The following GDAP1L1 variants were observed in gnomAD, a reference collection of about 807,000 sequenced individuals.
The protein encoded by GDAP1L1 is ganglioside-induced differentiation-associated protein 1-like 1.
In GDAP1L1, 21 loss-of-function variants were observed where a neutral mutation model predicts 37.1. The observed-to-expected ratio is 0.57, with a 90% CI of 0.40 to 0.81. GDAP1L1 has a LOEUF of 0.81. Ranked by LOEUF, GDAP1L1 falls within the 40% of genes least tolerant of loss-of-function variation. The probability of loss-of-function intolerance (pLI) is 0.00; values close to 1 mark genes in which losing one functional copy is unlikely to be tolerated. For synonymous variants in GDAP1L1, 193 were observed against 209.1 expected, an observed-to-expected ratio of 0.92 and a Z score of 0.67; for missense variants, 362 against 491.6, an observed-to-expected ratio of 0.74 and a Z score of 2.49.
At position 44,263,336 on chromosome 20, in the gene GDAP1L1, C is replaced by G. The variant is rs1245186661; in HGVS notation, c.645+9C>G. 2 of 1,593,008 alleles carry G rather than the reference C, an allele frequency of 1.3e-6. No individual in the cohort carries two copies. Among genetic ancestry groups the G allele is most frequent in the South Asian group, 1.1e-5 (1 of 90,690 alleles). On this transcript the variant is annotated intron_variant, in intron 4 of 5. Transcript: ENST00000342560. The stretch of plus-strand genomic sequence containing the variant: ...AACAAAAGAAGCTCATGGTGAGTAC[C>G]TCCCGGCCTGCTGAGTCCCCTTCCC...
intron 5 of GDAP1L1, among the ~76,000 whole-genome samples, chr20:44,271,272 T>C (rs569515721): frequency 6.6e-6 from 1 of 152,178 alleles, no homozygotes. Context: ...AAAACGTAAC[T>C]ACCACATCTA....
chr20:44,258,537 T>C lies in GDAP1L1; in HGVS notation c.477T>C (p.His159=), dbSNP rs541076318. The change falls in exon 3 of 6, where the codon CAT becomes CAC. Residue 159 remains histidine, a synonymous_variant. Transcript: ENST00000342560. ...LDALPMDAYT[H]GCILHPELTT... ...CACTGCCCATGGATGCCTACACGCA[T>C]GGCTGCATCCTGCATCCCGAGCTCA... 5.0e-6 allele frequency: 8 copies of C among 1,585,890 alleles called. No homozygotes were observed. The highest frequency in any genetic ancestry group is 3.3e-4 in the Middle Eastern group (2 of 6,030).
intron 3 of GDAP1L1, among the ~76,000 whole-genome samples, chr20:44,261,761 G>T (rs753592465): frequency 1.3e-5 from 2 of 152,196 alleles, no homozygotes; most frequent in Non-Finnish European, 2.9e-5. Flanking sequence ...CCTGGCAGAA[G>T]TCTGTAGGGC....
chr20:44,247,635 C>G, intron 1 of GDAP1L1, 121 bp downstream of exon 1: 1 of 950,264 alleles, frequency 1.1e-6, no homozygotes, highest in Non-Finnish European at 1.5e-6. Context: ...GTTTGGGGGT[C>G]CCGGAGGTCG....
chr20:44,252,312 G>T (rs1473856517), intron 1 of GDAP1L1, among the ~76,000 whole-genome samples: 2 of 152,180 alleles, frequency 1.3e-5, no homozygotes, highest in Non-Finnish European at 2.9e-5. Flanking sequence ...AGGAGTTTGA[G>T]ACCAGTCTGG....
chr20:44,259,769 T>C (rs1315338628), intron 3 of GDAP1L1, among the ~76,000 whole-genome samples: 1 of 152,156 alleles, frequency 6.6e-6, no homozygotes, highest in East Asian at 1.9e-4. Context: ...AGCGCTGGGA[T>C]TATAGGCATG....
rs564859428 is a variant in GDAP1L1 at position 44,257,993 on chromosome 20, C to T, written c.374-441C>T. Among the ~76,000 whole-genome samples the T allele has an allele frequency of 3.3e-5, 5 of 152,312 alleles. No homozygotes were observed. The South Asian group carries it at 1.0e-3, about 32-fold the overall frequency. On this transcript the variant is annotated intron_variant, in intron 2 of 5. Transcript: ENST00000342560. Reference sequence around the variant, plus strand: ...CCTCGCAGAGACCCCGTCCTCTCCCCTCGTAGGCCCTCCTCAGGCTCAGGA... The same window carrying T: ...CCTCGCAGAGACCCCGTCCTCTCCCTTCGTAGGCCCTCCTCAGGCTCAGGA...
rs1384591050 is a variant in GDAP1L1 at position 44,258,456 on chromosome 20, C to T, written c.396C>T (p.Pro132=). 5.8e-6 allele frequency: 9 copies of T among 1,552,586 alleles called. No individual in the cohort carries two copies. Among genetic ancestry groups the T allele is most frequent in the African/African-American group, 1.4e-5 (1 of 73,176 alleles). Residue 132 remains proline, a synonymous_variant, in exon 3 of 6, where the codon CCC becomes CCT. Coordinates refer to ENST00000342560, the MANE Select transcript of GDAP1L1 (RefSeq NM_024034.6). ...FTGEHVVALM[P]EVGSLQHARV... ...CAGAGCACGTGGTGGCCCTGATGCC[C>T]GAGGTGGGCAGCCTGCAGCACGCAC... is the stretch of plus-strand genomic sequence containing the variant.
chr20:44,278,060 G>A (rs1333220016), intron 5 of GDAP1L1, among the ~76,000 whole-genome samples: 10 of 151,632 alleles, frequency 6.6e-5, no homozygotes, highest in African/African-American at 9.7e-5. Context: ...AGGCTGAAGC[G>A]GGAGAATTGC....
chr20:44,263,170 A>G (rs1231503221), intron 3 of GDAP1L1, 60 bp from the exon 4 acceptor site: 3 of 1,290,400 alleles, frequency 2.3e-6, no homozygotes, highest in Non-Finnish European at 3.4e-6. Flanking sequence ...TGTGTAAGGC[A>G]GGTGATGGGG....
chr20:44,277,798 A>G (rs6017310), intron 5 of GDAP1L1, among the ~76,000 whole-genome samples: 51,466 of 152,040 alleles, frequency 0.34, 9,911 homozygotes, highest in East Asian at 0.5. Flanking sequence ...GAAGATATCC[A>G]AAGTTATCTG....
chr20:44,249,195 C>A lies in GDAP1L1; in HGVS notation c.180+1681C>A, dbSNP rs180697797. On this transcript the variant is annotated intron_variant, in intron 1 of 5. Transcript: ENST00000342560. ...GGACTACAGGCATATGCCACCACAC[C>A]CGGCTAATTTTTTTATATTTTTGGT... 2.0e-3 allele frequency among the ~76,000 whole-genome samples: 304 copies of A among 152,068 alleles called. 4 individuals carry two copies. Among genetic ancestry groups the A allele is most frequent in the African/African-American group, 6.8e-3 (281 of 41,474 alleles).
At chr20:44,266,471 G>A (rs1390509851) in intron 5 of GDAP1L1, among the ~76,000 whole-genome samples, 1 of 149,312 alleles carries the variant, frequency 6.7e-6, no homozygotes, top group African/African-American at 2.5e-5. Context: ...CTCTCGGTGG[G>A]TGACCTTGGA....
chr20:44,270,928 G>C (rs1175776743), intron 5 of GDAP1L1, among the ~76,000 whole-genome samples: 1 of 152,220 alleles, frequency 6.6e-6, no homozygotes, highest in African/African-American at 2.4e-5. Flanking sequence ...CTCCGCTGAA[G>C]GGAGGAGTAT....
intron 3 of GDAP1L1, among the ~76,000 whole-genome samples, chr20:44,262,878 G>A (rs774895006): frequency 8.8e-4 from 133 of 151,832 alleles, no homozygotes; most frequent in Non-Finnish European, 1.6e-3. Flanking sequence ...ACTACACCTG[G>A]CTAACTTTTT....
chr20:44,276,412 A>AAGAAAG (rs1555801147), intron 5 of GDAP1L1, among the ~76,000 whole-genome samples: 57 of 113,394 alleles, frequency 5.0e-4, no homozygotes, highest in Admixed American at 1.3e-3. Context: ...AGAAAAAAGA[A>AAGAAAG]AAAGAAAGAA....
intron 5 of GDAP1L1, among the ~76,000 whole-genome samples, chr20:44,268,353 A>C (rs901286970): frequency 6.6e-6 from 1 of 152,244 alleles, no homozygotes; most frequent in Non-Finnish European, 1.5e-5. Flanking sequence ...AGTATTTTGC[A>C]CAGTGCCTGG....
chr20:44,270,233 G>T lies in GDAP1L1; in HGVS notation c.760+5674G>T, dbSNP rs1304244256. Among the ~76,000 whole-genome samples the T allele has an allele frequency of 1.2e-4, 18 of 146,648 alleles. No homozygotes were observed. The East Asian group carries it at 3.0e-3, about 25-fold the overall frequency. On this transcript the variant is annotated intron_variant, in intron 5 of 5. Coordinates refer to ENST00000342560, the MANE Select transcript of GDAP1L1 (RefSeq NM_024034.6). ...TCGCCCAGGCTGGAGTGCAGTGGCG[G>T]GATCTCGGCTCACTGCAAGCTCCGC...
At chr20:44,276,418 A>AAGAAAG (rs2062577640) in intron 5 of GDAP1L1, among the ~76,000 whole-genome samples, 1 of 133,342 alleles carries the variant, frequency 7.5e-6, no homozygotes, top group African/African-American at 2.8e-5. Context: ...AAGAAAAAGA[A>AAGAAAG]AGAAAGAAAG....
Sources: allele counts gnomAD v4.1 joint callset (sites outside exome capture counted in the v4.1 genomes callset), GRCh38; gene constraint gnomAD v4.1.1; transcripts MANE v1.5; gene names NCBI Gene and HGNC (gene_info 2026-07-23, HGNC 2026-07-21).